Variants in FSIP1 observed in about 807,000 individuals in gnomAD.
FSIP1 encodes the protein fibrous sheath-interacting protein 1.
In FSIP1, 65 loss-of-function variants were observed where a neutral mutation model predicts 60.9. The observed-to-expected ratio is 1.07, with a 90% CI of 0.87 to 1.31. The LOEUF (loss-of-function observed/expected upper bound fraction) is 1.31, where lower values mean the gene tolerates loss of function less well. Ranked by LOEUF, FSIP1 falls within the 40% of genes most tolerant of loss-of-function variation. The probability of loss-of-function intolerance (pLI) is 0.00; values close to 1 mark genes in which losing one functional copy is unlikely to be tolerated. For synonymous variants in FSIP1, 209 were observed against 221.2 expected (o/e 0.94, Z 0.49); for missense variants, 675 against 665.5 (o/e 1.01, Z -0.16).
intron 5 of FSIP1, among the ~76,000 whole-genome samples, chr15:39,754,980 C>T (rs1286407300): frequency 1.3e-5 from 2 of 151,766 alleles, no homozygotes; most frequent in Non-Finnish European, 2.9e-5. Flanking sequence ...GACCAGGTAG[C>T]ACCAAGAGAT....
At chr15:39,718,180 G>T (rs1895816284) in intron 9 of FSIP1, among the ~76,000 whole-genome samples, 1 of 151,676 alleles carries the variant, frequency 6.6e-6, no homozygotes, top group East Asian at 1.9e-4. Flanking sequence ...TATTCCTTCT[G>T]TTTCTTGTCA....
chr15:39,775,434 A>C (rs914439790), intron 2 of FSIP1, among the ~76,000 whole-genome samples: 1 of 152,156 alleles, frequency 6.6e-6, no homozygotes, highest in Non-Finnish European at 1.5e-5. Flanking sequence ...AAAAGAAATA[A>C]ATGAGAAAAC....
chr15:39,761,122 G>A (rs768966731), intron 5 of FSIP1, among the ~76,000 whole-genome samples: 6 of 152,116 alleles, frequency 3.9e-5, no homozygotes, highest in African/African-American at 9.7e-5. Context: ...ATCTGTTGGT[G>A]GGAATGTAAA....
chr15:39,743,036 C>T (rs570961374), intron 5 of FSIP1, among the ~76,000 whole-genome samples: 37 of 152,154 alleles, frequency 2.4e-4, no homozygotes, highest in Non-Finnish European at 4.7e-4. Flanking sequence ...CTCAGCAAGT[C>T]AGCAATTTGG....
chr15:39,782,392 A>T (rs946064357), intron 1 of FSIP1, among the ~76,000 whole-genome samples: 6 of 152,230 alleles, frequency 3.9e-5, no homozygotes, highest in East Asian at 1.9e-4. Flanking sequence ...TCGGGAAAGT[A>T]GAAGCCTTGG....
chr15:39,622,585 A>G (rs1218524873), intron 10 of FSIP1, among the ~76,000 whole-genome samples: 1 of 152,278 alleles, frequency 6.6e-6, no homozygotes, highest in Non-Finnish European at 1.5e-5. Flanking sequence ...TGCTCTAGGC[A>G]TAATACATGT....
intron 9 of FSIP1, among the ~76,000 whole-genome samples, chr15:39,723,989 T>G (rs763115842): frequency 6.6e-6 from 1 of 152,268 alleles, no homozygotes; most frequent in Non-Finnish European, 1.5e-5. Context: ...TCTTTATTTT[T>G]GCATGCAAGA....
chr15:39,763,347 A>T (rs999160943), intron 5 of FSIP1, among the ~76,000 whole-genome samples: 1 of 152,238 alleles, frequency 6.6e-6, no homozygotes, highest in African/African-American at 2.4e-5. Flanking sequence ...AGGAAGATTC[A>T]CAAATATACA....
intron 5 of FSIP1, among the ~76,000 whole-genome samples, chr15:39,746,613 GA>G (rs566980087): frequency 2.0e-5 from 3 of 151,684 alleles, no homozygotes; most frequent in Non-Finnish European, 2.9e-5. Context: ...GACACAGAAG[GA>G]AAAAAAATGA....
chr15:39,648,584 G>C (rs1892729558), intron 10 of FSIP1, among the ~76,000 whole-genome samples: 1 of 152,182 alleles, frequency 6.6e-6, no homozygotes, highest in Non-Finnish European at 1.5e-5. Context: ...GAACCCAGGA[G>C]TAACTCAGAA....
intron 10 of FSIP1, among the ~76,000 whole-genome samples, chr15:39,627,132 C>T (rs1027781096): frequency 6.6e-6 from 1 of 152,224 alleles, no homozygotes; most frequent in African/African-American, 2.4e-5. Flanking sequence ...AGTCAAACGG[C>T]CAGGCTGCAC....
intron 1 of FSIP1, among the ~76,000 whole-genome samples, chr15:39,781,743 A>G (rs897407425): frequency 2.0e-5 from 3 of 152,256 alleles, no homozygotes; most frequent in East Asian, 1.9e-4. Context: ...GCTTCCATCA[A>G]TATGACATTC....
At chr15:39,692,076 TG>T (rs1894625882) in intron 10 of FSIP1, among the ~76,000 whole-genome samples, 1 of 152,158 alleles carries the variant, frequency 6.6e-6, no homozygotes, top group Admixed American at 6.5e-5. Context: ...AAATTTTTAA[TG>T]CTGATAGGAA....
chr15:39,602,336 G>A (rs117681776), intron 11 of FSIP1: 16,899 of 456,184 alleles, frequency 0.037, 1,123 homozygotes, highest in Admixed American at 0.19. Flanking sequence ...GCGTTCTAGC[G>A]TTCTCTCCTA....
chr15:39,744,155 A>G (rs1452273622), intron 5 of FSIP1, among the ~76,000 whole-genome samples: 1 of 152,138 alleles, frequency 6.6e-6, no homozygotes, highest in African/African-American at 2.4e-5. Context: ...AAATGTTAAC[A>G]TTTGGAGACT....
intron 8 of FSIP1, among the ~76,000 whole-genome samples, chr15:39,732,169 T>C (rs1896430249): frequency 6.6e-6 from 1 of 152,182 alleles, no homozygotes; most frequent in Non-Finnish European, 1.5e-5. Flanking sequence ...AATCTAATGC[T>C]GCAGCTAATG....
chr15:39,700,042 G>A (rs1004156306), intron 10 of FSIP1, among the ~76,000 whole-genome samples: 1 of 152,112 alleles, frequency 6.6e-6, no homozygotes, highest in East Asian at 1.9e-4. Flanking sequence ...CAAGTTCTTG[G>A]TTCAGCAAAA....
intron 10 of FSIP1, among the ~76,000 whole-genome samples, chr15:39,623,626 T>C (rs904945651): frequency 2.0e-5 from 3 of 152,210 alleles, no homozygotes; most frequent in Admixed American, 1.3e-4. Flanking sequence ...TAGTCTATTT[T>C]AGTCAAGGTT....
intron 10 of FSIP1, among the ~76,000 whole-genome samples, chr15:39,712,717 T>C (rs1461471954): frequency 6.6e-6 from 1 of 152,202 alleles, no homozygotes. Context: ...AATCATAGTA[T>C]GACAGAGCAA....
Sources: gnomAD v4.1 joint callset for allele counts (sites outside exome capture counted in the v4.1 genomes callset) on GRCh38, gnomAD v4.1.1 for gene constraint, MANE v1.5 for transcripts, NCBI Gene and HGNC (gene_info 2026-07-23, HGNC 2026-07-21) for gene names.